The following CDH8 variants were observed in gnomAD, a reference collection of about 807,000 sequenced individuals.
CDH8 encodes cadherin 8.
A neutral mutation model predicts 68.1 loss-of-function variants in CDH8; 17 were observed. The observed-to-expected ratio is 0.25, with a 90% confidence interval of 0.17 to 0.37. CDH8 has a LOEUF of 0.37. CDH8 is among the 10% of genes least tolerant of loss of function. The probability of loss-of-function intolerance (pLI) is 1.00; values close to 1 mark genes in which losing one functional copy is unlikely to be tolerated. For synonymous variants in CDH8, 372 were observed against 365.1 expected (o/e 1.02, Z -0.21); for missense variants, 763 against 999.3 (o/e 0.76, Z 3.19).
intron 8 of CDH8, among the ~76,000 whole-genome samples, chr16:61,780,582 C>G (rs539658236): frequency 6.6e-6 from 1 of 152,180 alleles, no homozygotes; most frequent in Non-Finnish European, 1.5e-5. Context: ...ATGACTATTT[C>G]TTTATCATTA....
At chr16:61,829,338 C>T (rs1230916120) in intron 4 of CDH8, among the ~76,000 whole-genome samples, 1 of 151,822 alleles carries the variant, frequency 6.6e-6, no homozygotes, top group East Asian at 1.9e-4. Flanking sequence ...GACGGTCTCT[C>T]TTAACCAGGC....
intron 1 of CDH8, among the ~76,000 whole-genome samples, chr16:62,034,331 G>T (rs1226240445): frequency 6.6e-6 from 1 of 152,156 alleles, no homozygotes; most frequent in Non-Finnish European, 1.5e-5. Flanking sequence ...ATGCAGTGAG[G>T]TGCAGCAGCG....
chr16:61,884,795 C>A (rs1037387047), intron 3 of CDH8, among the ~76,000 whole-genome samples: 7 of 152,112 alleles, frequency 4.6e-5, no homozygotes, highest in African/African-American at 1.7e-4. Context: ...ATTGATAAGA[C>A]TTCTGGTCAA....
At chr16:61,711,228 T>C (rs1334130827) in intron 10 of CDH8, among the ~76,000 whole-genome samples, 1 of 151,888 alleles carries the variant, frequency 6.6e-6, no homozygotes, top group African/African-American at 2.4e-5. Context: ...AGAAATTGCA[T>C]TAGGACCAAT....
intron 10 of CDH8, among the ~76,000 whole-genome samples, chr16:61,703,397 T>A (rs935988733): frequency 1.3e-5 from 2 of 152,208 alleles, no homozygotes; most frequent in African/African-American, 2.4e-5. Flanking sequence ...GATAATTGTC[T>A]CTTACCCATT....
chr16:61,668,104 T>C (rs745472585), intron 10 of CDH8, among the ~76,000 whole-genome samples: 2 of 152,042 alleles, frequency 1.3e-5, no homozygotes, highest in Non-Finnish European at 2.9e-5. Flanking sequence ...AGTATAGTAT[T>C]TGATTAAAAA....
chr16:61,938,936 G>A (rs1448697410), intron 2 of CDH8, among the ~76,000 whole-genome samples: 1 of 152,130 alleles, frequency 6.6e-6, no homozygotes. Context: ...TATTTAGTAA[G>A]CATTTATTAA....
chr16:61,971,470 G>A (rs116293977), intron 2 of CDH8, among the ~76,000 whole-genome samples: 33 of 152,294 alleles, frequency 2.2e-4, no homozygotes, highest in African/African-American at 7.2e-4. Context: ...TACATCAGAT[G>A]GAAGAGAAGC....
At chr16:61,789,213 G>C (rs183306095) in intron 8 of CDH8, 133 bp downstream of exon 8, 200 of 699,712 alleles carry the variant, frequency 2.9e-4, no homozygotes, top group Middle Eastern at 9.7e-4. Flanking sequence ...ACATTCAAAG[G>C]CTCCTTGGGA....
intron 2 of CDH8, among the ~76,000 whole-genome samples, chr16:61,951,283 A>G (rs959707707): frequency 1.3e-5 from 2 of 152,034 alleles, no homozygotes; most frequent in African/African-American, 4.8e-5. Context: ...AGGCTGAGGC[A>G]GGCGGATCAC....
intron 1 of CDH8, among the ~76,000 whole-genome samples, chr16:62,028,645 G>C (rs994645079): frequency 1.3e-5 from 2 of 151,652 alleles, no homozygotes; most frequent in Admixed American, 6.6e-5. Context: ...CCTTTACTTA[G>C]AAAACTTTCT....
At chr16:61,687,453 C>T (rs1235044147) in intron 10 of CDH8, among the ~76,000 whole-genome samples, 1 of 151,974 alleles carries the variant, frequency 6.6e-6, no homozygotes, top group Non-Finnish European at 1.5e-5. Flanking sequence ...TCTTTAGCAG[C>T]ACTCTGGGCA....
At chr16:61,773,202 A>G (rs73560924) in intron 8 of CDH8, among the ~76,000 whole-genome samples, 4,725 of 152,094 alleles carry the variant, frequency 0.031, 234 homozygotes, top group African/African-American at 0.11. Context: ...CTACTTCACA[A>G]TCCTGATGAA....
In CDH8 at chr16:61,901,350, G is replaced by A. The variant is rs1022861839; in HGVS notation, c.376C>T (p.Arg126Trp). 6 of 1,613,656 alleles carry A rather than the reference G, an allele frequency of 3.7e-6. No homozygotes were observed. Among genetic ancestry groups the A allele is most frequent in the African/African-American group, 2.7e-5 (2 of 74,818 alleles). ...AGGGTATACTCAGCCTTTTCCTCCC[G>A]GTCAAGTCTTTTTATAGCATGGATA... is the stretch of plus-strand genomic sequence containing the variant. ...GDIHAIKRLD[R>W]EEKAEYTLTA... Residue 126 changes from arginine (R) to tryptophan (W), a missense_variant, in exon 3 of 12, where the codon CGG becomes TGG. Arg to Trp is a moderately radical substitution (Grantham distance 101). Transcript: ENST00000577390.
At chr16:61,863,387 G>T (rs1174689020) in intron 3 of CDH8, among the ~76,000 whole-genome samples, 1 of 152,102 alleles carries the variant, frequency 6.6e-6, no homozygotes, top group Non-Finnish European at 1.5e-5. Flanking sequence ...ACACTGTCGG[G>T]GTGGAGGTTC....
chr16:61,706,620 CA>C (rs781148249), intron 10 of CDH8, among the ~76,000 whole-genome samples: 15,243 of 59,812 alleles, frequency 0.25, 631 homozygotes, highest in South Asian at 0.31. Flanking sequence ...GACTCTGTCT[CA>C]AAAAAAAAAA....
chr16:61,714,174 T>G, intron 9 of CDH8: 1 of 517,446 alleles, frequency 1.9e-6, no homozygotes, highest in East Asian at 3.4e-5. Context: ...ATTAAGAGCA[T>G]TACCTTTGTG....
chr16:62,030,144 C>T (rs192699253), intron 1 of CDH8, among the ~76,000 whole-genome samples: 63 of 152,294 alleles, frequency 4.1e-4, no homozygotes, highest in African/African-American at 1.5e-3. Context: ...ACGTGAACTA[C>T]AGACACAGGT....
intron 2 of CDH8, among the ~76,000 whole-genome samples, chr16:61,999,004 AAG>A (rs1229747105): frequency 4.6e-5 from 7 of 152,166 alleles, no homozygotes; most frequent in Non-Finnish European, 8.8e-5. Flanking sequence ...AGTTAAGTAC[AAG>A]AGTCTCATTA....
Sources: gnomAD v4.1 joint callset for allele counts (sites outside exome capture counted in the v4.1 genomes callset) on GRCh38, gnomAD v4.1.1 for gene constraint, MANE v1.5 for transcripts, NCBI Gene and HGNC (gene_info 2026-07-23, HGNC 2026-07-21) for gene names.